LRP1B: variants seen among roughly 807,000 people sequenced by gnomAD.
LRP1B encodes low-density lipoprotein receptor-related protein 1B.
Under a neutral mutation model 556.6 loss-of-function variants are expected in LRP1B, and 217 were observed. The observed-to-expected ratio is 0.39, with a 90% CI of 0.35 to 0.44. The LOEUF is 0.44. Ranked by LOEUF, LRP1B falls within the 20% of genes least tolerant of loss-of-function variation. The pLI, the probability that LRP1B is intolerant of heterozygous loss-of-function variation, is 1.00. For missense variants in LRP1B, 5,053 were observed against 5,620.8 expected (o/e 0.90, Z 3.23); for synonymous variants, 2,047 against 1,865.8 (o/e 1.10, Z -2.50).
At chr2:140,916,308 A>T (rs950006511) in intron 21 of LRP1B, among the ~76,000 whole-genome samples, 1 of 152,192 alleles carries the variant, frequency 6.6e-6, no homozygotes, top group Non-Finnish European at 1.5e-5. Context: ...AATAATCCAG[A>T]TTGGTTTTCC....
At chr2:141,320,590 C>T (rs1411529378) in intron 3 of LRP1B, among the ~76,000 whole-genome samples, 1 of 152,008 alleles carries the variant, frequency 6.6e-6, no homozygotes, top group Non-Finnish European at 1.5e-5. Context: ...GTACATCTCA[C>T]CTACAAAAAC....
intron 66 of LRP1B, among the ~76,000 whole-genome samples, chr2:140,434,774 C>A (rs573866286): frequency 6.6e-6 from 1 of 152,232 alleles, no homozygotes; most frequent in East Asian, 1.9e-4. Flanking sequence ...CCAATAAATG[C>A]CACAGTAATA....
chr2:141,796,604 A>G (rs1368397681), intron 2 of LRP1B, among the ~76,000 whole-genome samples: 2 of 91,966 alleles, frequency 2.2e-5, no homozygotes, highest in East Asian at 6.9e-4. Flanking sequence ...TTGGCTTTGT[A>G]TGACATGTGA....
rs771401031 is a variant in LRP1B at position 141,188,494 on chromosome 2, C to T, written c.940G>A (p.Gly314Ser). 6 of 1,612,518 alleles carry T rather than the reference C, an allele frequency of 3.7e-6. No individual in the cohort carries two copies. The African/African-American group carries it at 4.0e-5, about 11-fold the overall frequency. Residue 314 changes from glycine (G) to serine (S), a missense_variant, in exon 7 of 91, where the codon GGT becomes AGT. Coordinates refer to ENST00000389484, the MANE Select transcript of LRP1B (RefSeq NM_018557.3). ...GDRIFVCNSN[G>S]SVCVTLIDLE... ...TCAATCAGGGTGACACATACAGAACCGTTGGAATTACAAACAAAGATCCGG... is the reference window on the plus strand; with the variant it reads ...TCAATCAGGGTGACACATACAGAACTGTTGGAATTACAAACAAAGATCCGG...
intron 7 of LRP1B, among the ~76,000 whole-genome samples, chr2:141,154,321 A>G (rs886725356): frequency 2.0e-5 from 3 of 151,890 alleles, no homozygotes; most frequent in African/African-American, 7.2e-5. Flanking sequence ...ACTGAAGTGG[A>G]ACACACTTTT....
At chr2:140,932,886 T>TACACACACACACACACACACAC (rs373649277) in intron 20 of LRP1B, among the ~76,000 whole-genome samples, 36 of 127,554 alleles carry the variant, frequency 2.8e-4, no homozygotes, top group Non-Finnish European at 3.8e-4. Flanking sequence ...TCTCTCCCTA[T>TACACACACACACACACACACAC]ACACACACAC....
At chr2:141,911,280 A>T (rs1473479387) in intron 1 of LRP1B, among the ~76,000 whole-genome samples, 1 of 152,194 alleles carries the variant, frequency 6.6e-6, no homozygotes, top group Admixed American at 6.6e-5. Context: ...CACTTCTATA[A>T]TACTGTCAAA....
intron 2 of LRP1B, among the ~76,000 whole-genome samples, chr2:141,796,535 T>G (rs1695817184): frequency 6.6e-6 from 1 of 151,918 alleles, no homozygotes; most frequent in Admixed American, 6.6e-5. Flanking sequence ...TCTTTTATTC[T>G]TTACCTTCAA....
chr2:140,891,333 G>C (rs1283848122), intron 23 of LRP1B, among the ~76,000 whole-genome samples: 1 of 152,016 alleles, frequency 6.6e-6, no homozygotes, highest in African/African-American at 2.4e-5. Flanking sequence ...CAGATGAGTT[G>C]CCTAGGAAAA....
intron 1 of LRP1B, among the ~76,000 whole-genome samples, chr2:142,063,162 G>T (rs1017960699): frequency 1.3e-5 from 2 of 150,730 alleles, no homozygotes; most frequent in Non-Finnish European, 3.0e-5. Context: ...TTCACTTCCT[G>T]GATGATAACA....
intron 56 of LRP1B, among the ~76,000 whole-genome samples, chr2:140,493,258 A>T (rs745571056): frequency 6.6e-6 from 1 of 151,940 alleles, no homozygotes; most frequent in Non-Finnish European, 1.5e-5. Context: ...CTTTTTTTCT[A>T]ATGCTTTAAT....
chr2:141,157,899 A>G (rs563960123), intron 7 of LRP1B, among the ~76,000 whole-genome samples: 4 of 152,306 alleles, frequency 2.6e-5, no homozygotes, highest in South Asian at 2.1e-4. Context: ...TTCAGCAACC[A>G]TAATAGTTAT....
chr2:142,024,186 A>G (rs1485843557), intron 1 of LRP1B, among the ~76,000 whole-genome samples: 2 of 152,214 alleles, frequency 1.3e-5, no homozygotes, highest in African/African-American at 4.8e-5. Flanking sequence ...CGAGGAAGTA[A>G]TTAATTATAA....
intron 35 of LRP1B, among the ~76,000 whole-genome samples, chr2:140,719,322 C>T (rs908765800): frequency 2.0e-5 from 3 of 151,840 alleles, no homozygotes; most frequent in Non-Finnish European, 4.4e-5. Flanking sequence ...GGCTAACAAC[C>T]AGAAATTGTG....
At chr2:141,445,880 A>G (rs1681171139) in intron 3 of LRP1B, among the ~76,000 whole-genome samples, 2 of 152,220 alleles carry the variant, frequency 1.3e-5, no homozygotes, top group Admixed American at 1.3e-4. Flanking sequence ...GGTGCTGAGA[A>G]GAATATATAT....
intron 3 of LRP1B, among the ~76,000 whole-genome samples, chr2:141,368,495 T>G (rs1323835847): frequency 6.6e-6 from 1 of 152,202 alleles, no homozygotes; most frequent in Non-Finnish European, 1.5e-5. Context: ...TACACATCCA[T>G]CATATGAGGA....
chr2:141,360,253 C>CA (rs1032733818), intron 3 of LRP1B, among the ~76,000 whole-genome samples: 3 of 152,094 alleles, frequency 2.0e-5, no homozygotes, highest in African/African-American at 4.8e-5. Flanking sequence ...ATATGGGGCA[C>CA]AAAAAATACC....
intron 23 of LRP1B, among the ~76,000 whole-genome samples, chr2:140,895,321 T>G (rs1693918708): frequency 6.6e-6 from 1 of 152,232 alleles, no homozygotes; most frequent in Non-Finnish European, 1.5e-5. Flanking sequence ...GCCAGTGGGC[T>G]GCCGAACAAA....
intron 2 of LRP1B, among the ~76,000 whole-genome samples, chr2:141,721,465 G>T (rs1299821499): frequency 6.6e-6 from 1 of 151,880 alleles, no homozygotes; most frequent in African/African-American, 2.4e-5. Flanking sequence ...AAGATATTAG[G>T]TTTTTTTGTA....
Sources: allele counts gnomAD v4.1 joint callset (sites outside exome capture counted in the v4.1 genomes callset), GRCh38; gene constraint gnomAD v4.1.1; transcripts MANE v1.5; gene names NCBI Gene and HGNC (gene_info 2026-07-23, HGNC 2026-07-21).